ZFPM2: variants seen among roughly 807,000 people sequenced by gnomAD.
ZFPM2 encodes zinc finger protein, FOG family member 2.
Under a neutral mutation model 98.6 loss-of-function variants are expected in ZFPM2, and 20 were observed. That is an observed-to-expected ratio of 0.20 (90% CI 0.14 to 0.29). ZFPM2 has a LOEUF of 0.29. Among genes scored for constraint, ZFPM2 ranks in the 10% least tolerant of loss-of-function variants. The pLI is 1.00. For synonymous variants in ZFPM2, 518 were observed against 502.7 expected, an observed-to-expected ratio of 1.03 and a Z score of -0.41; for missense variants, 1,310 against 1,388.6, an observed-to-expected ratio of 0.94 and a Z score of 0.90.
At chr8:105,705,499 T>C (rs1811234938) in intron 5 of ZFPM2, among the ~76,000 whole-genome samples, 1 of 152,188 alleles carries the variant, frequency 6.6e-6, no homozygotes, top group South Asian at 2.1e-4. Context: ...TAATTTACTG[T>C]ACAAATTGGG....
At chr8:105,656,120 C>T (rs568719220) in intron 5 of ZFPM2, among the ~76,000 whole-genome samples, 8 of 151,896 alleles carry the variant, frequency 5.3e-5, no homozygotes, top group South Asian at 4.2e-4. Flanking sequence ...AATAGTAAAC[C>T]GATTCAAAAG....
At chr8:105,586,329 A>C (rs1437131095) in intron 4 of ZFPM2, among the ~76,000 whole-genome samples, 1 of 147,262 alleles carries the variant, frequency 6.8e-6, no homozygotes, top group Non-Finnish European at 1.5e-5. Context: ...TAGTAGAAAT[A>C]ACCAGTCTTC....
intron 1 of ZFPM2, among the ~76,000 whole-genome samples, chr8:105,417,426 A>G (rs182624055): frequency 2.6e-5 from 4 of 152,246 alleles, no homozygotes; most frequent in Admixed American, 6.5e-5. Context: ...AAGTGCTTTG[A>G]AACTCTTACA....
At chr8:105,693,333 A>C (rs1281029167) in intron 5 of ZFPM2, among the ~76,000 whole-genome samples, 1 of 152,188 alleles carries the variant, frequency 6.6e-6, no homozygotes, top group Non-Finnish European at 1.5e-5. Flanking sequence ...GGTGCAGGCT[A>C]TTCCGCAGCT....
chr8:105,591,544 A>G (rs190768269), intron 4 of ZFPM2, among the ~76,000 whole-genome samples: 1 of 152,308 alleles, frequency 6.6e-6, no homozygotes, highest in East Asian at 1.9e-4. Context: ...AGAAAAATCA[A>G]ATCGATGCTA....
intron 4 of ZFPM2, among the ~76,000 whole-genome samples, chr8:105,617,020 G>GGAAAAAAAAAAAAAAAAAAAAAAAAA (rs1816431048): frequency 3.6e-5 from 1 of 28,136 alleles, no homozygotes; most frequent in African/African-American, 1.5e-4. Context: ...ACTCTGTCTC[G>GGAAAAAAAAAAAAAAAAAAAAAAAAA]AAAAAAAAAA....
intron 2 of ZFPM2, among the ~76,000 whole-genome samples, chr8:105,420,114 G>A (rs1156992330): frequency 6.6e-6 from 1 of 152,100 alleles, no homozygotes; most frequent in Admixed American, 6.5e-5. Flanking sequence ...TTTTGCAGAG[G>A]GCTTGACTGG....
At chr8:105,538,171 A>G (rs1290608691) in intron 3 of ZFPM2, among the ~76,000 whole-genome samples, 1 of 151,984 alleles carries the variant, frequency 6.6e-6, no homozygotes, top group Non-Finnish European at 1.5e-5. Context: ...GCACATATTG[A>G]TTGTAAGTCC....
intron 3 of ZFPM2, among the ~76,000 whole-genome samples, chr8:105,505,993 A>G (rs756036888): frequency 6.6e-6 from 1 of 152,194 alleles, no homozygotes; most frequent in Non-Finnish European, 1.5e-5. Flanking sequence ...TCCAAATCAT[A>G]CACAATGAAG....
At chr8:105,794,848 A>T (rs56852898) in intron 6 of ZFPM2, among the ~76,000 whole-genome samples, 10,783 of 152,206 alleles carry the variant, frequency 0.071, 1,322 homozygotes, top group African/African-American at 0.24. Flanking sequence ...CTGTGCTAGC[A>T]ATCAGTGAGG....
chr8:105,646,405 A>G (rs1050184757), intron 5 of ZFPM2, among the ~76,000 whole-genome samples: 1 of 152,104 alleles, frequency 6.6e-6, no homozygotes, highest in African/African-American at 2.4e-5. Flanking sequence ...AAGAAAGCCT[A>G]ATGACAATTA....
intron 2 of ZFPM2, among the ~76,000 whole-genome samples, chr8:105,433,102 A>T (rs1248047442): frequency 6.6e-6 from 1 of 152,200 alleles, no homozygotes; most frequent in African/African-American, 2.4e-5. Context: ...AAGAAAAAAA[A>T]AATAGAATTC....
intron 3 of ZFPM2, among the ~76,000 whole-genome samples, chr8:105,444,987 A>C (rs1317723301): frequency 6.6e-6 from 1 of 152,186 alleles, no homozygotes; most frequent in Non-Finnish European, 1.5e-5. Context: ...AACTCTGCAG[A>C]AAAAAGGCTT....
intron 3 of ZFPM2, among the ~76,000 whole-genome samples, chr8:105,546,495 G>A (rs1160300842): frequency 3.3e-5 from 5 of 150,966 alleles, no homozygotes; most frequent in African/African-American, 1.2e-4. Context: ...CTTGAACCTG[G>A]GAGCCAGAGG....
chr8:105,540,509 T>C (rs903844453), intron 3 of ZFPM2, among the ~76,000 whole-genome samples: 1 of 152,110 alleles, frequency 6.6e-6, no homozygotes, highest in Non-Finnish European at 1.5e-5. Context: ...TAACAACATG[T>C]TTTATCATCA....
chr8:105,654,260 C>T (rs896957266), intron 5 of ZFPM2, among the ~76,000 whole-genome samples: 1 of 151,346 alleles, frequency 6.6e-6, no homozygotes, highest in Non-Finnish European at 1.5e-5. Context: ...TTCAAGTTGT[C>T]GACAACCCCA....
intron 3 of ZFPM2, among the ~76,000 whole-genome samples, chr8:105,519,641 C>A (rs1307721792): frequency 1.3e-5 from 2 of 151,948 alleles, no homozygotes; most frequent in Non-Finnish European, 2.9e-5. Flanking sequence ...TGATATTATG[C>A]AGATGTTTTT....
intron 5 of ZFPM2, among the ~76,000 whole-genome samples, chr8:105,735,973 A>G (rs1812062788): frequency 6.6e-6 from 1 of 151,920 alleles, no homozygotes; most frequent in Non-Finnish European, 1.5e-5. Context: ...AAAGATGATT[A>G]CTCTATGGGA....
chr8:105,397,918 G>A (rs1307582455), intron 1 of ZFPM2, among the ~76,000 whole-genome samples: 2 of 151,934 alleles, frequency 1.3e-5, no homozygotes, highest in Non-Finnish European at 2.9e-5. Flanking sequence ...ACTACTTAAA[G>A]TACCTTTCAG....
Sources: gnomAD v4.1 joint callset for allele counts (sites outside exome capture counted in the v4.1 genomes callset) on GRCh38, gnomAD v4.1.1 for gene constraint, MANE v1.5 for transcripts, NCBI Gene and HGNC (gene_info 2026-07-23, HGNC 2026-07-21) for gene names.